SLC13A3: variants seen among roughly 807,000 people sequenced by gnomAD.
The protein encoded by SLC13A3 is solute carrier family 13 member 3, also known as Na(+)/dicarboxylate cotransporter 3.
SLC13A3 carries 40 observed loss-of-function variants against 59.0 expected under a neutral mutation model. That is an observed-to-expected ratio of 0.68 (90% CI 0.53 to 0.88). The LOEUF (loss-of-function observed/expected upper bound fraction) is 0.88, where lower values mean the gene tolerates loss of function less well. Ranked by LOEUF, SLC13A3 falls within the 40% of genes least tolerant of loss-of-function variation. The probability of loss-of-function intolerance (pLI) is 0.00; values close to 1 mark genes in which losing one functional copy is unlikely to be tolerated. For missense variants in SLC13A3, 699 were observed against 783.2 expected (o/e 0.89, Z 1.28); for synonymous variants, 317 against 330.3 (o/e 0.96, Z 0.44).
At chr20:46,621,282 C>A (rs960468240) in intron 1 of SLC13A3, among the ~76,000 whole-genome samples, 1 of 133,216 alleles carries the variant, frequency 7.5e-6, no homozygotes, top group African/African-American at 3.1e-5. Flanking sequence ...AATGGGGAAT[C>A]ATTAGGCATC....
chr20:46,595,939 T>C (rs958855649), intron 5 of SLC13A3, among the ~76,000 whole-genome samples: 2 of 152,212 alleles, frequency 1.3e-5, no homozygotes, highest in African/African-American at 2.4e-5. Context: ...CACACAGATA[T>C]ATTTTATATT....
intron 1 of SLC13A3, among the ~76,000 whole-genome samples, chr20:46,639,454 G>A (rs1357178681): frequency 6.6e-6 from 1 of 152,028 alleles, no homozygotes. Context: ...GTGAGACTCT[G>A]TCTCAGAAAA....
chr20:46,663,389 G>A (rs2063043029), intron 1 of SLC13A3, among the ~76,000 whole-genome samples: 1 of 151,444 alleles, frequency 6.6e-6, no homozygotes, highest in Non-Finnish European at 1.5e-5. Flanking sequence ...AGGGTACAAT[G>A]AGCTATAATT....
intron 5 of SLC13A3, among the ~76,000 whole-genome samples, chr20:46,595,378 C>A (rs540187215): frequency 1.3e-5 from 2 of 152,176 alleles, no homozygotes; most frequent in South Asian, 4.2e-4. Flanking sequence ...AGTTATAAAG[C>A]AGGAACATCT....
At chr20:46,619,683 C>T (rs1437308497) in intron 1 of SLC13A3, among the ~76,000 whole-genome samples, 2 of 152,202 alleles carry the variant, frequency 1.3e-5, no homozygotes, top group African/African-American at 4.8e-5. Context: ...CGCTGCTTGT[C>T]ATTCTCTGGG....
chr20:46,580,492 T>C (rs1383908383), intron 9 of SLC13A3, among the ~76,000 whole-genome samples: 2 of 148,790 alleles, frequency 1.3e-5, no homozygotes, highest in Non-Finnish European at 3.0e-5. Context: ...TTATAAAACA[T>C]ATAAATATAT....
At chr20:46,570,629 A>G (rs1262279653) in intron 10 of SLC13A3, among the ~76,000 whole-genome samples, 1 of 152,244 alleles carries the variant, frequency 6.6e-6, no homozygotes, top group Admixed American at 6.5e-5. Context: ...CTGGGAAAAG[A>G]TCAAAATTCA....
chr20:46,664,850 C>T (rs2063052955), intron 1 of SLC13A3, among the ~76,000 whole-genome samples: 1 of 152,048 alleles, frequency 6.6e-6, no homozygotes, highest in African/African-American at 2.4e-5. Flanking sequence ...AAGTCAAACG[C>T]AATGGCTTTG....
Position 46,560,045 on chromosome 20 carries a change from T to C in SLC13A3, c.1786A>G (p.Asn596Asp), listed in dbSNP as rs778131427. 3 of 1,614,092 alleles carry C rather than the reference T, an allele frequency of 1.9e-6. No homozygotes were observed. In the Admixed American group the frequency reaches 5.0e-5, roughly 27 times the overall value. The part of the protein sequence containing the change: ...NVTALPPTLA[N>D]DTFRTL ...ACTCAGAGGGTCCGAAATGTGTCATTGGCCAAGGTGGGTGGCAATGCTGTG... is the reference window on the plus strand; with the variant it reads ...ACTCAGAGGGTCCGAAATGTGTCATCGGCCAAGGTGGGTGGCAATGCTGTG... Residue 596 changes from asparagine to aspartate, a missense_variant, in exon 13 of 13, where the codon AAT (asparagine) becomes GAT (aspartate). Transcript: ENST00000279027.
intron 1 of SLC13A3, among the ~76,000 whole-genome samples, chr20:46,647,358 G>A (rs1179192502): frequency 1.3e-5 from 2 of 152,186 alleles, no homozygotes; most frequent in Admixed American, 6.5e-5. Context: ...AGGCAGGAAA[G>A]GGGGTAAGGC....
chr20:46,587,718 T>C (rs1025877559), intron 8 of SLC13A3, among the ~76,000 whole-genome samples: 26 of 152,328 alleles, frequency 1.7e-4, no homozygotes, highest in Middle Eastern at 3.4e-3. Context: ...TGTCCCAGCA[T>C]CCAGCATCCA....
chr20:46,629,749 T>C (rs933500188), intron 1 of SLC13A3, among the ~76,000 whole-genome samples: 1 of 152,200 alleles, frequency 6.6e-6, no homozygotes, highest in African/African-American at 2.4e-5. Flanking sequence ...CCCTTCTGCT[T>C]CTTAATCTCT....
At chr20:46,574,416 C>T (rs1330935979) in intron 10 of SLC13A3, among the ~76,000 whole-genome samples, 2 of 152,200 alleles carry the variant, frequency 1.3e-5, no homozygotes, top group African/African-American at 4.8e-5. Flanking sequence ...TCTGTGGTGA[C>T]AGATGCTGGA....
At chr20:46,677,255 A>C (rs955014154) in intron 1 of SLC13A3, among the ~76,000 whole-genome samples, 5 of 152,162 alleles carry the variant, frequency 3.3e-5, no homozygotes, top group Non-Finnish European at 5.9e-5. Flanking sequence ...TGAAAAGTAC[A>C]CATATAAACA....
At chr20:46,657,480 T>G (rs1216869826) in intron 1 of SLC13A3, among the ~76,000 whole-genome samples, 1 of 152,174 alleles carries the variant, frequency 6.6e-6, no homozygotes. Flanking sequence ...TTTTGGCTCT[T>G]ATTTAAAACT....
chr20:46,632,803 C>A (rs1347299838), intron 1 of SLC13A3, among the ~76,000 whole-genome samples: 20 of 151,964 alleles, frequency 1.3e-4, no homozygotes, highest in Non-Finnish European at 5.9e-5. Flanking sequence ...CTATCTCTCT[C>A]TCTCTCTTTC....
At chr20:46,594,480 C>A (rs1320534353) in intron 5 of SLC13A3, among the ~76,000 whole-genome samples, 1 of 152,012 alleles carries the variant, frequency 6.6e-6, no homozygotes, top group Non-Finnish European at 1.5e-5. Context: ...ATCTTCCTGT[C>A]CAGCCCTGGG....
At chr20:46,659,795 C>A (rs2122909321) in intron 1 of SLC13A3, among the ~76,000 whole-genome samples, 1 of 150,170 alleles carries the variant, frequency 6.7e-6, no homozygotes, top group South Asian at 2.1e-4. Context: ...TTCCATTTAC[C>A]ACCCTCTTCT....
At chr20:46,682,853 C>T (rs2063159906) in intron 1 of SLC13A3, among the ~76,000 whole-genome samples, 1 of 152,154 alleles carries the variant, frequency 6.6e-6, no homozygotes, top group South Asian at 2.1e-4. Context: ...TGGCTCAGCA[C>T]TGCAAAGCAC....
Sources: gnomAD v4.1 joint callset for allele counts (sites outside exome capture counted in the v4.1 genomes callset) on GRCh38, gnomAD v4.1.1 for gene constraint, MANE v1.5 for transcripts, NCBI Gene and HGNC (gene_info 2026-07-23, HGNC 2026-07-21) for gene names.